Variants in IMMP2L observed in about 807,000 individuals in gnomAD.
IMMP2L encodes the protein inner mitochondrial membrane peptidase subunit 2.
In IMMP2L, 18 loss-of-function variants were observed where a neutral mutation model predicts 19.3. The ratio of observed to expected loss-of-function variants is 0.93; its 90% CI spans 0.64 to 1.38. IMMP2L has a LOEUF of 1.38. Ranked by LOEUF, IMMP2L falls within the 40% of genes most tolerant of loss-of-function variation. IMMP2L has a pLI of 0.00. For synonymous variants in IMMP2L, 76 were observed against 73.0 expected (o/e 1.04, Z -0.21); for missense variants, 233 against 218.2 (o/e 1.07, Z -0.43).
intron 5 of IMMP2L, among the ~76,000 whole-genome samples, chr7:110,846,121 C>A (rs1176809875): frequency 6.6e-6 from 1 of 152,124 alleles, no homozygotes; most frequent in East Asian, 1.9e-4. Flanking sequence ...TCACCACAAT[C>A]AGGTGATTTG....
intron 5 of IMMP2L, among the ~76,000 whole-genome samples, chr7:110,878,537 T>A (rs1809304803): frequency 6.9e-6 from 1 of 145,292 alleles, no homozygotes; most frequent in South Asian, 2.5e-4. Flanking sequence ...TACACTTATT[T>A]TCATCTACAT....
intron 3 of IMMP2L, among the ~76,000 whole-genome samples, chr7:111,107,257 G>C (rs1163282319): frequency 6.6e-6 from 1 of 151,670 alleles, no homozygotes; most frequent in Non-Finnish European, 1.5e-5. Flanking sequence ...TTGAAGAAAA[G>C]TTTTTATATA....
chr7:110,855,975 T>C lies in IMMP2L; in HGVS notation c.408+30618A>G, dbSNP rs1336353791. On this transcript the variant is annotated intron_variant, in intron 5 of 5. Coordinates refer to ENST00000405709, the MANE Select transcript of IMMP2L (RefSeq NM_032549.4). ...AATAATAATGTGATAGACCGAACAA[T>C]AGAAAACTGTATGCTTATAGTAAAA... Among the ~76,000 whole-genome samples the C allele has an allele frequency of 4.0e-5, 6 of 151,664 alleles. No homozygotes were observed. In the East Asian group the frequency reaches 5.8e-4, roughly 15 times the overall value.
At chr7:111,270,939 C>T (rs1818395986) in intron 3 of IMMP2L, among the ~76,000 whole-genome samples, 1 of 152,172 alleles carries the variant, frequency 6.6e-6, no homozygotes, top group African/African-American at 2.4e-5. Flanking sequence ...GACCACATAA[C>T]TCCCGCTAAG....
At chr7:111,312,177 T>A (rs1384628569) in intron 3 of IMMP2L, among the ~76,000 whole-genome samples, 1 of 152,018 alleles carries the variant, frequency 6.6e-6, no homozygotes, top group East Asian at 1.9e-4. Flanking sequence ...GGGAATTTAA[T>A]CTCCTTAGAG....
intron 3 of IMMP2L, among the ~76,000 whole-genome samples, chr7:111,012,867 AG>A (rs1251647131): frequency 7.9e-5 from 12 of 152,200 alleles, no homozygotes; most frequent in Non-Finnish European, 1.8e-4. Context: ...GTTGGGAGTT[AG>A]AAAATAACGA....
chr7:111,507,682 T>C (rs1289033238), intron 2 of IMMP2L, among the ~76,000 whole-genome samples: 1 of 152,116 alleles, frequency 6.6e-6, no homozygotes, highest in Non-Finnish European at 1.5e-5. Context: ...TACCAATTTT[T>C]GTTTCAGTTA....
chr7:111,017,720 T>C (rs1037111306), intron 3 of IMMP2L, among the ~76,000 whole-genome samples: 3 of 152,030 alleles, frequency 2.0e-5, no homozygotes, highest in African/African-American at 7.2e-5. Flanking sequence ...TCTCTCTCCC[T>C]AAGAAACCCA....
At chr7:111,000,412 G>T (rs1823534585) in intron 3 of IMMP2L, among the ~76,000 whole-genome samples, 1 of 152,150 alleles carries the variant, frequency 6.6e-6, no homozygotes, top group Admixed American at 6.6e-5. Context: ...AATGTCAAAG[G>T]ATCATCAGAA....
intron 3 of IMMP2L, among the ~76,000 whole-genome samples, chr7:111,379,163 T>A (rs539851687): frequency 6.9e-6 from 1 of 144,618 alleles, no homozygotes; most frequent in Non-Finnish European, 1.5e-5. Context: ...AAGACCAGAA[T>A]TGCCAATAAA....
intron 3 of IMMP2L, among the ~76,000 whole-genome samples, chr7:111,432,522 G>A (rs994461374): frequency 6.6e-5 from 10 of 151,662 alleles, no homozygotes; most frequent in Non-Finnish European, 8.8e-5. Flanking sequence ...GCATGGCTTC[G>A]TGATAAAAAT....
At chr7:111,409,390 T>C (rs1386138861) in intron 3 of IMMP2L, among the ~76,000 whole-genome samples, 1 of 151,758 alleles carries the variant, frequency 6.6e-6, no homozygotes, top group Non-Finnish European at 1.5e-5. Flanking sequence ...CATATAACCA[T>C]GAGTAACTCT....
intron 3 of IMMP2L, among the ~76,000 whole-genome samples, chr7:111,291,361 T>C (rs1355738453): frequency 1.3e-5 from 2 of 152,036 alleles, no homozygotes; most frequent in Non-Finnish European, 2.9e-5. Flanking sequence ...TCTCACAGAG[T>C]CCCTAAGGAG....
chr7:111,457,477 T>C (rs56043126), intron 3 of IMMP2L, among the ~76,000 whole-genome samples: 1 of 152,180 alleles, frequency 6.6e-6, no homozygotes, highest in African/African-American at 2.4e-5. Flanking sequence ...CTAGAAGGTT[T>C]TAAGGATAAA....
intron 3 of IMMP2L, among the ~76,000 whole-genome samples, chr7:111,270,290 T>C (rs1054461272): frequency 4.0e-4 from 61 of 152,326 alleles, no homozygotes; most frequent in African/African-American, 1.4e-3. Context: ...TATCATTACC[T>C]GTCTCCCATT....
chr7:111,463,267 T>A (rs2132027208), intron 3 of IMMP2L, among the ~76,000 whole-genome samples: 1 of 152,194 alleles, frequency 6.6e-6, no homozygotes, highest in South Asian at 2.1e-4. Flanking sequence ...ACACCTCATT[T>A]TAACTTGATT....
At chr7:111,221,669 A>G (rs1293719602) in intron 3 of IMMP2L, among the ~76,000 whole-genome samples, 1 of 152,006 alleles carries the variant, frequency 6.6e-6, no homozygotes, top group Non-Finnish European at 1.5e-5. Context: ...GTGGGAAAAA[A>G]ATATAAATAC....
chr7:111,481,721 A>T (rs1842206480), intron 3 of IMMP2L, among the ~76,000 whole-genome samples: 1 of 152,038 alleles, frequency 6.6e-6, no homozygotes, highest in Admixed American at 6.6e-5. Context: ...CCTTTGCTTC[A>T]TAGGAACTAC....
intron 5 of IMMP2L, among the ~76,000 whole-genome samples, chr7:110,780,433 C>T (rs997980149): frequency 6.6e-6 from 1 of 151,772 alleles, no homozygotes; most frequent in Admixed American, 6.6e-5. Context: ...CTCTATATTT[C>T]TGCAAATATT....
Sources: allele counts gnomAD v4.1 joint callset (sites outside exome capture counted in the v4.1 genomes callset), GRCh38; gene constraint gnomAD v4.1.1; transcripts MANE v1.5; gene names NCBI Gene and HGNC (gene_info 2026-07-23, HGNC 2026-07-21).